Variants in ADAM10 observed in about 807,000 individuals in gnomAD.
ADAM10 encodes ADAM metallopeptidase domain 10, also known as disintegrin and metalloproteinase domain-containing protein 10.
ADAM10 carries 17 observed loss-of-function variants against 90.1 expected under a neutral mutation model. The ratio of observed to expected loss-of-function variants is 0.19; its 90% CI spans 0.13 to 0.28. ADAM10 has a LOEUF of 0.28. Ranked by LOEUF, ADAM10 falls within the 10% of genes least tolerant of loss-of-function variation. ADAM10 has a pLI of 1.00. For missense variants in ADAM10, 610 were observed against 914.3 expected (o/e 0.67, Z 4.29); for synonymous variants, 310 against 298.6 (o/e 1.04, Z -0.40).
intron 5 of ADAM10, among the ~76,000 whole-genome samples, chr15:58,653,355 A>G (rs1181065101): frequency 1.3e-5 from 2 of 152,098 alleles, no homozygotes; most frequent in African/African-American, 4.8e-5. Flanking sequence ...CTATGGATTC[A>G]CTGTACATTA....
intron 2 of ADAM10, among the ~76,000 whole-genome samples, chr15:58,699,924 G>T (rs1466919513): frequency 6.6e-6 from 1 of 152,054 alleles, no homozygotes; most frequent in Non-Finnish European, 1.5e-5. Context: ...ATGGATAAAA[G>T]AAACATGACT....
chr15:58,684,893 C>T (rs536168364), intron 2 of ADAM10, among the ~76,000 whole-genome samples: 1 of 152,108 alleles, frequency 6.6e-6, no homozygotes, highest in Non-Finnish European at 1.5e-5. Context: ...ACTGTGAGAA[C>T]TGAATTACGC....
chr15:58,669,248 C>G (rs192575675), intron 4 of ADAM10, among the ~76,000 whole-genome samples: 4 of 152,104 alleles, frequency 2.6e-5, no homozygotes, highest in Non-Finnish European at 5.9e-5. Context: ...TAAGGTCTCC[C>G]GGCAATCATC....
At chr15:58,713,341 A>G (rs1898537411) in intron 2 of ADAM10, among the ~76,000 whole-genome samples, 1 of 152,118 alleles carries the variant, frequency 6.6e-6, no homozygotes, top group South Asian at 2.1e-4. Context: ...GCTGGGCTCA[A>G]GTGATCCTTT....
At chr15:58,679,436 A>C (rs1400662827) in intron 3 of ADAM10, among the ~76,000 whole-genome samples, 154 bp from the exon 4 acceptor site, 1 of 152,184 alleles carries the variant, frequency 6.6e-6, no homozygotes, top group East Asian at 1.9e-4. Context: ...TTTACTATGG[A>C]AATTTTCACA....
chr15:58,642,221 C>T (rs1343449397), intron 7 of ADAM10, among the ~76,000 whole-genome samples: 1 of 152,152 alleles, frequency 6.6e-6, no homozygotes, highest in African/African-American at 2.4e-5. Flanking sequence ...AATCCCAGCA[C>T]TTTGGGAGGC....
chr15:58,730,155 T>C (rs1899189649), intron 1 of ADAM10, among the ~76,000 whole-genome samples: 1 of 152,222 alleles, frequency 6.6e-6, no homozygotes, highest in Non-Finnish European at 1.5e-5. Context: ...ATATCCTTAT[T>C]TCTACACACT....
In ADAM10 at chr15:58,610,975, C is replaced by G. The variant is rs200397218; in HGVS notation, c.1804+24G>C. ...ATAATAGTTTGAGGCAAATTTTATA[C>G]TCTTGTGTTTTTAAAAGCCTTACTT... On this transcript the variant is annotated intron_variant, in intron 13 of 15. Coordinates refer to ENST00000260408, the MANE Select transcript of ADAM10 (RefSeq NM_001110.4). The G allele has an allele frequency of 7.8e-4, 1,213 of 1,559,568 alleles. 3 individuals carry two copies. The highest frequency in any genetic ancestry group is 9.9e-4 in the Non-Finnish European group (1,116 of 1,130,536).
intron 1 of ADAM10, among the ~76,000 whole-genome samples, chr15:58,726,815 A>C (rs1899046386): frequency 6.7e-6 from 1 of 150,312 alleles, no homozygotes; most frequent in Non-Finnish European, 1.5e-5. Flanking sequence ...ATGCACTATG[A>C]TCACATTTGT....
chr15:58,657,224 A>T (rs1210148759), intron 5 of ADAM10, among the ~76,000 whole-genome samples: 1 of 152,032 alleles, frequency 6.6e-6, no homozygotes, highest in Non-Finnish European at 1.5e-5. Context: ...TTGAATGTTG[A>T]TATCTTTTTC....
chr15:58,698,455 A>G, intron 2 of ADAM10: 1 of 298,058 alleles, frequency 3.4e-6, no homozygotes, highest in South Asian at 2.8e-5. Context: ...GTGAACCTGT[A>G]GTCCCAACTA....
chr15:58,655,673 CATACATATATATATTATATATAGT>C (rs1228715711), intron 5 of ADAM10, among the ~76,000 whole-genome samples: 8 of 81,046 alleles, frequency 9.9e-5, no homozygotes, highest in African/African-American at 5.6e-4. Flanking sequence ...TACATACATA[CATACATATATATATTATATATAGT>C]ATATATATAT....
intron 13 of ADAM10, 116 bp from the exon 14 acceptor site, chr15:58,610,633 A>T: frequency 1.0e-6 from 1 of 981,574 alleles, no homozygotes; most frequent in Non-Finnish European, 1.6e-6. Context: ...TTACCATAAC[A>T]TGTTATACAG....
At chr15:58,727,125 G>A (rs534921) in intron 1 of ADAM10, among the ~76,000 whole-genome samples, 1 of 146,696 alleles carries the variant, frequency 6.8e-6, no homozygotes, top group East Asian at 2.0e-4. Flanking sequence ...AGTCACCTTA[G>A]CCTTCTGAGT....
At chr15:58,714,833 T>C (rs1307118623) in intron 2 of ADAM10, among the ~76,000 whole-genome samples, 1 of 152,130 alleles carries the variant, frequency 6.6e-6, no homozygotes, top group Non-Finnish European at 1.5e-5. Context: ...CCAAGACTAA[T>C]ATTTGTTAGA....
At chr15:58,641,119 G>C (rs1291076364) in intron 7 of ADAM10, among the ~76,000 whole-genome samples, 159 bp from the exon 8 acceptor site, 2 of 152,120 alleles carry the variant, frequency 1.3e-5, no homozygotes, top group Non-Finnish European at 2.9e-5. Flanking sequence ...CCACATCCCT[G>C]AGCTGATCAC....
intron 9 of ADAM10, among the ~76,000 whole-genome samples, chr15:58,629,799 G>A (rs887750218): frequency 2.0e-5 from 3 of 151,052 alleles, no homozygotes; most frequent in Admixed American, 1.3e-4. Context: ...TTGAGACAGA[G>A]TCTCACTCTG....
intron 1 of ADAM10, among the ~76,000 whole-genome samples, chr15:58,746,592 T>C (rs1424548610): frequency 6.6e-6 from 1 of 152,126 alleles, no homozygotes; most frequent in Non-Finnish European, 1.5e-5. Context: ...ATATGTAAAT[T>C]TTTCTTGTTA....
intron 10 of ADAM10, 120 bp from the exon 11 acceptor site, chr15:58,621,741 G>C: frequency 1.6e-6 from 2 of 1,236,014 alleles, no homozygotes; most frequent in Non-Finnish European, 1.2e-6. Context: ...TGAATAAGTA[G>C]AACAAACTAG....
Sources: allele counts gnomAD v4.1 joint callset (sites outside exome capture counted in the v4.1 genomes callset), GRCh38; gene constraint gnomAD v4.1.1; transcripts MANE v1.5; gene names NCBI Gene and HGNC (gene_info 2026-07-23, HGNC 2026-07-21).